The following FOXB2 variants were observed in gnomAD, a reference collection of about 807,000 sequenced individuals.
FOXB2 encodes forkhead box protein B2.
Under a neutral mutation model 0.9 loss-of-function variants are expected in FOXB2, and 1 was observed. The observed-to-expected ratio is 1.09, with a 90% CI of 0.39 to 5.18. FOXB2 has a LOEUF of 5.18. Ranked by LOEUF, FOXB2 falls within the 30% of genes most tolerant of loss-of-function variation. The pLI, the probability that FOXB2 is intolerant of heterozygous loss-of-function variation, is 0.16. For missense variants in FOXB2, 670 were observed against 626.6 expected, an observed-to-expected ratio of 1.07 and a Z score of -0.74; for synonymous variants, 322 against 293.5, an observed-to-expected ratio of 1.10 and a Z score of -0.99.
At position 77,020,123 on chromosome 9, in the gene FOXB2, C is replaced by A; in HGVS notation, c.469C>A (p.His157Asn). 6.9e-7 allele frequency: 1 copy of A among 1,454,932 alleles called. No homozygotes were observed. The highest frequency in any genetic ancestry group is 9.4e-7 in the Non-Finnish European group (1 of 1,068,826). 90.1% of individuals were successfully genotyped at this position (1,454,932 alleles called of 1,614,324 possible). Residue 157 changes from histidine (H) to asparagine (N), a missense_variant, in exon 1 of 1, where the codon CAC becomes AAC. Transcript: ENST00000376708. This position sits in a 1 kb window ranked among gnomAD's most constrained non-coding sequence, Gnocchi z 4.9. ...HHHHHAAAHH[H>N]HHHHPPQPPP... ...TCATCACCACGCTGCCGCACACCAC[C>A]ACCATCACCACCACCCACCCCAGCC...
In FOXB2 at chr9:77,020,410, C is replaced by A; in HGVS notation, c.756C>A (p.Ala252=). 3.2e-6 allele frequency: 5 copies of A among 1,586,778 alleles called. No individual in the cohort carries two copies. The highest frequency in any genetic ancestry group is 4.3e-6 in the Non-Finnish European group (5 of 1,169,952). The stretch of plus-strand genomic sequence containing the variant: ...TCCCACCCTACGGGCTGGGCTCGGC[C>A]GCCGCCGCTGCCGCCGCGGCCGCGG... ...SQFPPYGLGS[A]AAAAAAAAAS... Residue 252 remains alanine, a synonymous_variant, in exon 1 of 1, where the codon GCC becomes GCA. Transcript: ENST00000376708. This position sits in a 1 kb window ranked among gnomAD's most constrained non-coding sequence, Gnocchi z 4.9.
Position 77,020,015 on chromosome 9 carries a change from G to A in FOXB2, c.361G>A (p.Ala121Thr). Residue 121 changes from alanine (A) to threonine (T), a missense_variant, in exon 1 of 1, where the codon GCG becomes ACG. Coordinates refer to ENST00000376708, the MANE Select transcript of FOXB2 (RefSeq NM_001013735.1). This position sits in a 1 kb window ranked among gnomAD's most constrained non-coding sequence, Gnocchi z 4.9. ...VLRADHTHLH[A>T]GSTKSAPGAG... ...GCGCGCCGACCATACTCACTTGCAC[G>A]CGGGAAGCACCAAGAGCGCGCCGGG... 6.2e-7 allele frequency: 1 copy of A among 1,610,552 alleles called. No individual in the cohort carries two copies. Among genetic ancestry groups the A allele is most frequent in the South Asian group, 1.1e-5 (1 of 90,974 alleles).
chr9:77,020,050 G>A lies in FOXB2; in HGVS notation c.396G>A (p.Pro132=), dbSNP rs372216963. The change falls in exon 1 of 1, where the codon CCG becomes CCA. Residue 132 remains proline, a synonymous_variant. Coordinates refer to ENST00000376708, the MANE Select transcript of FOXB2 (RefSeq NM_001013735.1). The surrounding 1 kb of genome is among the most constrained non-coding windows in gnomAD (Gnocchi z 4.9). ...GSTKSAPGAG[P]GGHLHPHHHH... ...CCAAGAGCGCGCCGGGCGCCGGTCC[G>A]GGAGGGCACCTTCACCCCCATCACC... 4 of 1,601,840 alleles carry A rather than the reference G, an allele frequency of 2.5e-6. No individual in the cohort carries two copies. The highest frequency in any genetic ancestry group is 3.4e-6 in the Non-Finnish European group (4 of 1,176,288).
Position 77,019,875 on chromosome 9 carries a change from T to C in FOXB2, c.221T>C (p.Ile74Thr), listed in dbSNP as rs1401281911. The C allele has an allele frequency of 6.2e-7, 1 of 1,613,886 alleles. No homozygotes were observed. The highest frequency in any genetic ancestry group is 1.1e-5 in the South Asian group (1 of 91,074). Reference sequence around the variant, plus strand: ...TCCTTCAACGACTGCTTCATCAAGATTCCGCGGAGGCCCGACCAGCCTGGC... The same window carrying C: ...TCCTTCAACGACTGCTTCATCAAGACTCCGCGGAGGCCCGACCAGCCTGGC... ...NLSFNDCFIK[I>T]PRRPDQPGKG... Residue 74 changes from isoleucine (I) to threonine (T), a missense_variant, in exon 1 of 1, where the codon ATT becomes ACT. Ile to Thr is a moderately conservative substitution (Grantham distance 89). Coordinates refer to ENST00000376708, the MANE Select transcript of FOXB2 (RefSeq NM_001013735.1). The surrounding 1 kb of genome is among the most constrained non-coding windows in gnomAD (Gnocchi z 4.4).
rs558265520 is a variant in FOXB2, at chr9:77,020,246, C to A, written c.592C>A (p.Pro198Thr). 1 of 1,245,010 alleles carries A rather than the reference C, an allele frequency of 8.0e-7. No individual in the cohort carries two copies. The highest frequency in any genetic ancestry group is 1.5e-5 in the African/African-American group (1 of 67,776). 77.1% of individuals were successfully genotyped at this position (1,245,010 alleles called of 1,614,324 possible). Residue 198 changes from proline (P) to threonine (T), a missense_variant, in exon 1 of 1, where the codon CCC (proline) becomes ACC (threonine). Pro to Thr is a conservative substitution (Grantham distance 38, BLOSUM62 -1). Coordinates refer to ENST00000376708, the MANE Select transcript of FOXB2 (RefSeq NM_001013735.1). The surrounding 1 kb of genome is among the most constrained non-coding windows in gnomAD (Gnocchi z 4.9). ...GCCGCCTCCGCACCTCCCGTCACAG[C>A]CCCCGCAGCAACCGCCCCAGCAGTC... ...PQPPPHLPSQ[P>T]PQQPPQQSQP...
rs767152954 is a variant in FOXB2 at position 77,020,019 on chromosome 9, GA to G, written c.367del (p.Ser123AlafsTer215). 1.2e-6 allele frequency: 2 copies of G among 1,610,234 alleles called. No individual in the cohort carries two copies. Among genetic ancestry groups the G allele is most frequent in the Non-Finnish European group, 1.7e-6 (2 of 1,179,076 alleles). On this transcript the variant is annotated frameshift_variant, in exon 1 of 1. Coordinates refer to ENST00000376708, the MANE Select transcript of FOXB2 (RefSeq NM_001013735.1). LOFTEE classifies it low-confidence loss of function (END_TRUNC). This position sits in a 1 kb window ranked among gnomAD's most constrained non-coding sequence, Gnocchi z 4.9. ...GCCGACCATACTCACTTGCACGCGGGAAGCACCAAGAGCGCGCCGGGCGCCG... is the reference window on the plus strand; with the variant it reads ...GCCGACCATACTCACTTGCACGCGGGAGCACCAAGAGCGCGCCGGGCGCCG... ...LRADHTHLHA[G>X]STKSAPGAGP...
At position 77,020,786 on chromosome 9, in the gene FOXB2, C is replaced by A; in HGVS notation, c.1132C>A (p.Leu378Met). ...PTPALPPVSA[L>M]QPGLTVPAAS... ...GCCTGCGCTGCCGCCCGTGTCCGCG[C>A]TGCAGCCGGGGCTCACTGTCCCCGC... The change falls in exon 1 of 1, where the codon CTG (leucine) becomes ATG (methionine). Residue 378 changes from leucine (L) to methionine (M), a missense_variant. Transcript: ENST00000376708. This position sits in a 1 kb window ranked among gnomAD's most constrained non-coding sequence, Gnocchi z 4.9. 6.4e-7 allele frequency: 1 copy of A among 1,573,848 alleles called. No homozygotes were observed. Among genetic ancestry groups the A allele is most frequent in the Non-Finnish European group, 8.6e-7 (1 of 1,165,650 alleles).
Position 77,020,436 on chromosome 9 carries a change from C to G in FOXB2, c.782C>G (p.Ala261Gly), listed in dbSNP as rs1437403589. 3 of 1,592,250 alleles carry G rather than the reference C, an allele frequency of 1.9e-6. No individual in the cohort carries two copies. In the East Asian group the frequency reaches 7.1e-5, roughly 38 times the overall value. ...GCCGCCGCTGCCGCCGCGGCCGCGG[C>G]GTCCACGTCAGGCTTCAAGCACCCC... ...SAAAAAAAAAASTSGFKHPFA... is the reference protein window; with the variant it reads ...SAAAAAAAAAGSTSGFKHPFA... Residue 261 changes from alanine to glycine, a missense_variant, in exon 1 of 1, where the codon GCG becomes GGG. Ala to Gly is a moderately conservative substitution (Grantham distance 60). Coordinates refer to ENST00000376708, the MANE Select transcript of FOXB2 (RefSeq NM_001013735.1). The surrounding 1 kb of genome is among the most constrained non-coding windows in gnomAD (Gnocchi z 4.9).
At position 77,020,777 on chromosome 9, in the gene FOXB2, G is replaced by A. The variant is rs948257400; in HGVS notation, c.1123G>A (p.Val375Met). 5 of 1,581,674 alleles carry A rather than the reference G, an allele frequency of 3.2e-6. No individual in the cohort carries two copies. Among genetic ancestry groups the A allele is most frequent in the Admixed American group, 1.7e-5 (1 of 57,386 alleles). ...PIKPTPALPPVSALQPGLTVP... is the reference protein window; with the variant it reads ...PIKPTPALPPMSALQPGLTVP... ...CAAGCCCACGCCTGCGCTGCCGCCC[G>A]TGTCCGCGCTGCAGCCGGGGCTCAC... The change falls in exon 1 of 1, where the codon GTG becomes ATG. Residue 375 changes from valine (V) to methionine (M), a missense_variant. By Grantham distance (21) the Val-to-Met change is conservative. Coordinates refer to ENST00000376708, the MANE Select transcript of FOXB2 (RefSeq NM_001013735.1). This position sits in a 1 kb window ranked among gnomAD's most constrained non-coding sequence, Gnocchi z 4.9.
At position 77,020,869 on chromosome 9, in the gene FOXB2, C is replaced by T. The variant is rs994237072; in HGVS notation, c.1215C>T (p.Pro405=). ...TGTGCTCCGCGGCCGCGGCCTCGCC[C>T]GTTGCCTCTCTGCTGGAGCCCACAG... ...STVCSAAAAS[P]VASLLEPTAP... The change falls in exon 1 of 1, where the codon CCC becomes CCT. Residue 405 remains proline (P), a synonymous_variant. Transcript: ENST00000376708. This position sits in a 1 kb window ranked among gnomAD's most constrained non-coding sequence, Gnocchi z 4.9. 2 of 1,553,510 alleles carry T rather than the reference C, an allele frequency of 1.3e-6. No individual in the cohort carries two copies. Among genetic ancestry groups the T allele is most frequent in the Admixed American group, 1.9e-5 (1 of 53,762 alleles).
Position 77,020,161 on chromosome 9 carries a change from G to A in FOXB2, c.507G>A (p.Pro169=). The change falls in exon 1 of 1, where the codon CCG becomes CCA. Residue 169 remains proline (P), a synonymous_variant. Coordinates refer to ENST00000376708, the MANE Select transcript of FOXB2 (RefSeq NM_001013735.1). This position sits in a 1 kb window ranked among gnomAD's most constrained non-coding sequence, Gnocchi z 4.9. ...ACCCACCCCAGCCGCCGCCGCCGCC[G>A]CCCCCGCCGCCGCCGCACATGGTAC... is the stretch of plus-strand genomic sequence containing the variant. The part of the protein sequence containing the change: ...HHHPPQPPPP[P]PPPPPHMVHY... 8.0e-7 allele frequency: 1 copy of A among 1,257,492 alleles called. No individual in the cohort carries two copies. The allele number at this position is 1,257,492 out of a possible 1,614,324, so 77.9% of individuals were successfully genotyped here. A position where few individuals can be genotyped will look rare whatever the true frequency, so the allele number is the denominator to read the frequency against.
Position 77,020,919 on chromosome 9 carries a change from G to A in FOXB2, c.1265G>A (p.Gly422Asp). 1 of 1,574,294 alleles carries A rather than the reference G, an allele frequency of 6.4e-7. No homozygotes were observed. Among genetic ancestry groups the A allele is most frequent in the Non-Finnish European group, 8.6e-7 (1 of 1,168,314 alleles). Reference protein sequence around the residue: ...PTAPTSAESKGGSLHSVLVHS With the variant: ...PTAPTSAESKDGSLHSVLVHS Reference sequence around the variant, plus strand: ...GCCCCTACCTCGGCCGAAAGCAAGGGCGGCTCCTTGCACTCGGTGCTAGTG... The same window carrying A: ...GCCCCTACCTCGGCCGAAAGCAAGGACGGCTCCTTGCACTCGGTGCTAGTG... The change falls in exon 1 of 1, where the codon GGC (glycine) becomes GAC (aspartate). Residue 422 changes from glycine to aspartate, a missense_variant. Coordinates refer to ENST00000376708, the MANE Select transcript of FOXB2 (RefSeq NM_001013735.1). This position sits in a 1 kb window ranked among gnomAD's most constrained non-coding sequence, Gnocchi z 4.9.
Position 77,020,776 on chromosome 9 carries a change from C to G in FOXB2, c.1122C>G (p.Pro374=). The G allele has an allele frequency of 6.3e-7, 1 of 1,581,702 alleles. No homozygotes were observed. The highest frequency in any genetic ancestry group is 8.6e-7 in the Non-Finnish European group (1 of 1,169,162). ...TCAAGCCCACGCCTGCGCTGCCGCC[C>G]GTGTCCGCGCTGCAGCCGGGGCTCA... ...VPIKPTPALP[P]VSALQPGLTV... The change falls in exon 1 of 1, where the codon CCC becomes CCG. Residue 374 remains proline (P), a synonymous_variant. Coordinates refer to ENST00000376708, the MANE Select transcript of FOXB2 (RefSeq NM_001013735.1). This position sits in a 1 kb window ranked among gnomAD's most constrained non-coding sequence, Gnocchi z 4.9.
chr9:77,020,880 T>A lies in FOXB2; in HGVS notation c.1226T>A (p.Leu409Gln). 1.3e-6 allele frequency: 2 copies of A among 1,558,184 alleles called. No individual in the cohort carries two copies. Among genetic ancestry groups the A allele is most frequent in the Non-Finnish European group, 1.7e-6 (2 of 1,158,878 alleles). ...SAAAASPVAS[L>Q]LEPTAPTSAE... ...GCCGCGGCCTCGCCCGTTGCCTCTCTGCTGGAGCCCACAGCCCCTACCTCG... is the reference window on the plus strand; with the variant it reads ...GCCGCGGCCTCGCCCGTTGCCTCTCAGCTGGAGCCCACAGCCCCTACCTCG... The change falls in exon 1 of 1, where the codon CTG becomes CAG. Residue 409 changes from leucine to glutamine, a missense_variant. Transcript: ENST00000376708. The surrounding 1 kb of genome is among the most constrained non-coding windows in gnomAD (Gnocchi z 4.9).
Position 77,020,935 on chromosome 9 carries a change from G to C in FOXB2, c.1281G>C (p.Ser427=), listed in dbSNP as rs2063916382. ...AAAGCAAGGGCGGCTCCTTGCACTCGGTGCTAGTGCACTCCTAGGGGACCC... is the reference window on the plus strand; with the variant it reads ...AAAGCAAGGGCGGCTCCTTGCACTCCGTGCTAGTGCACTCCTAGGGGACCC... ...SAESKGGSLH[S]VLVHS The change falls in exon 1 of 1, where the codon TCG becomes TCC. Residue 427 remains serine (S), a synonymous_variant. Coordinates refer to ENST00000376708, the MANE Select transcript of FOXB2 (RefSeq NM_001013735.1). This position sits in a 1 kb window ranked among gnomAD's most constrained non-coding sequence, Gnocchi z 4.9. 3 of 1,576,700 alleles carry C rather than the reference G, an allele frequency of 1.9e-6. No homozygotes were observed. The highest frequency in any genetic ancestry group is 2.6e-6 in the Non-Finnish European group (3 of 1,169,830).
Position 77,019,684 on chromosome 9 carries a change from C to A in FOXB2, c.30C>A (p.Ser10Arg), listed in dbSNP as rs1412645156. The A allele has an allele frequency of 1.2e-6, 2 of 1,600,186 alleles. No homozygotes were observed. The highest frequency in any genetic ancestry group is 1.3e-5 in the African/African-American group (1 of 74,624). The change falls in exon 1 of 1, where the codon AGC (serine) becomes AGA (arginine). Residue 10 changes from serine to arginine, a missense_variant. Physicochemically the swap from Ser to Arg is moderately radical, Grantham distance 110. Coordinates refer to ENST00000376708, the MANE Select transcript of FOXB2 (RefSeq NM_001013735.1). The surrounding 1 kb of genome is among the most constrained non-coding windows in gnomAD (Gnocchi z 4.4). ...CGCGGCCGGGGAAGAGCTCGTACAGCGACCAAAAACCGCCCTACTCTTACA... is the reference window on the plus strand; with the variant it reads ...CGCGGCCGGGGAAGAGCTCGTACAGAGACCAAAAACCGCCCTACTCTTACA... MPRPGKSSYSDQKPPYSYIS... is the reference protein window; with the variant it reads MPRPGKSSYRDQKPPYSYIS...
In FOXB2 at chr9:77,020,682, C is replaced by T. The variant is rs764864782; in HGVS notation, c.1028C>T (p.Ala343Val). ...GTCCCTGTAGGCCCGGAGTATGGGG[C>T]CTTCGGGGTCCCGGTCAAGTCCCTG... is the stretch of plus-strand genomic sequence containing the variant. ...AGVPVGPEYG[A>V]FGVPVKSLCH... The change falls in exon 1 of 1, where the codon GCC (alanine) becomes GTC (valine). Residue 343 changes from alanine (A) to valine (V), a missense_variant. By Grantham distance (64) the Ala-to-Val change is moderately conservative. Coordinates refer to ENST00000376708, the MANE Select transcript of FOXB2 (RefSeq NM_001013735.1). The surrounding 1 kb of genome is among the most constrained non-coding windows in gnomAD (Gnocchi z 4.9). 1 of 1,602,812 alleles carries T rather than the reference C, an allele frequency of 6.2e-7. No homozygotes were observed. The highest frequency in any genetic ancestry group is 8.5e-7 in the Non-Finnish European group (1 of 1,176,066).
Position 77,020,450 on chromosome 9 carries a change from T to C in FOXB2, c.796T>C (p.Phe266Leu). 3 of 1,589,146 alleles carry C rather than the reference T, an allele frequency of 1.9e-6. No homozygotes were observed. Among genetic ancestry groups the C allele is most frequent in the Non-Finnish European group, 2.6e-6 (3 of 1,169,386 alleles). The change falls in exon 1 of 1, where the codon TTC (phenylalanine) becomes CTC (leucine). Residue 266 changes from phenylalanine (F) to leucine (L), a missense_variant. By Grantham distance (22) the Phe-to-Leu change is conservative. Transcript: ENST00000376708. This position sits in a 1 kb window ranked among gnomAD's most constrained non-coding sequence, Gnocchi z 4.9. Reference protein sequence around the residue: ...AAAAAASTSGFKHPFAIENII... With the variant: ...AAAAAASTSGLKHPFAIENII... ...CGCGGCCGCGGCGTCCACGTCAGGC[T>C]TCAAGCACCCCTTTGCCATTGAGAA...
In FOXB2 at chr9:77,019,840, C is replaced by A; in HGVS notation, c.186C>A (p.Arg62=). Reference sequence around the variant, plus strand: ...CACAGCGCTGGCAGAACAGCCTGCGCCACAACCTCTCCTTCAACGACTGCT... The same window carrying A: ...CACAGCGCTGGCAGAACAGCCTGCGACACAACCTCTCCTTCAACGACTGCT... ...EHTQRWQNSL[R]HNLSFNDCFI... The change falls in exon 1 of 1, where the codon CGC becomes CGA. Residue 62 remains arginine, a synonymous_variant. Transcript: ENST00000376708. The surrounding 1 kb of genome is among the most constrained non-coding windows in gnomAD (Gnocchi z 4.4). The A allele has an allele frequency of 6.2e-7, 1 of 1,614,140 alleles. No individual in the cohort carries two copies. Among genetic ancestry groups the A allele is most frequent in the Non-Finnish European group, 8.5e-7 (1 of 1,180,022 alleles).
Sources: allele counts gnomAD v4.1 joint callset, GRCh38; gene constraint gnomAD v4.1.1; non-coding constraint Gnocchi (gnomAD v3.1); transcripts MANE v1.5; gene names NCBI Gene and HGNC (gene_info 2026-07-23, HGNC 2026-07-21).